CHRM3: variants seen among roughly 807,000 people sequenced by gnomAD.
CHRM3 encodes the protein muscarinic acetylcholine receptor M3.
In CHRM3, 11 loss-of-function variants were observed where a neutral mutation model predicts 41.8. The ratio of observed to expected loss-of-function variants is 0.26; its 90% CI spans 0.17 to 0.44. The LOEUF is 0.44. Ranked by LOEUF, CHRM3 falls within the 20% of genes least tolerant of loss-of-function variation. The pLI is 1.00. For synonymous variants in CHRM3, 297 were observed against 301.4 expected, an observed-to-expected ratio of 0.99 and a Z score of 0.15; for missense variants, 571 against 745.4, an observed-to-expected ratio of 0.77 and a Z score of 2.72.
intron 2 of CHRM3, among the ~76,000 whole-genome samples, chr1:239,524,535 A>G (rs755014872): frequency 6.6e-6 from 1 of 152,320 alleles, no homozygotes; most frequent in African/African-American, 2.4e-5. Flanking sequence ...AATGTAATTA[A>G]GAAAATTGGT....
chr1:239,465,665 C>T (rs957289329), intron 1 of CHRM3, among the ~76,000 whole-genome samples: 6 of 152,114 alleles, frequency 3.9e-5, no homozygotes, highest in South Asian at 2.1e-4. Flanking sequence ...TTCGTATCTT[C>T]GTGGTCACAT....
chr1:239,509,296 C>T (rs1668773253), intron 2 of CHRM3, among the ~76,000 whole-genome samples: 1 of 152,038 alleles, frequency 6.6e-6, no homozygotes, highest in Non-Finnish European at 1.5e-5. Context: ...TTTTTTTAAA[C>T]TAGTGAGTAA....
chr1:239,764,639 C>G (rs1667057011), intron 5 of CHRM3, among the ~76,000 whole-genome samples: 1 of 152,208 alleles, frequency 6.6e-6, no homozygotes, highest in Non-Finnish European at 1.5e-5. Flanking sequence ...CTACAGATGC[C>G]TGCTGCTGTT....
intron 5 of CHRM3, among the ~76,000 whole-genome samples, chr1:239,756,839 A>ACAT (rs1447868447): frequency 6.9e-6 from 1 of 144,338 alleles, no homozygotes; most frequent in African/African-American, 2.9e-5. Context: ...TAATATTTTC[A>ACAT]CATAATTTTG....
At chr1:239,784,810 T>A (rs1668767510) in intron 5 of CHRM3, among the ~76,000 whole-genome samples, 1 of 152,222 alleles carries the variant, frequency 6.6e-6, no homozygotes, top group Non-Finnish European at 1.5e-5. Flanking sequence ...GGAAATCACT[T>A]GAGCCTCTCT....
intron 3 of CHRM3, among the ~76,000 whole-genome samples, chr1:239,554,485 C>T (rs1660158912): frequency 6.6e-6 from 1 of 151,664 alleles, no homozygotes; most frequent in Non-Finnish European, 1.5e-5. Flanking sequence ...TGTGTGCACG[C>T]ACGCAGGCAT....
At chr1:239,785,136 G>A (rs574037715) in intron 5 of CHRM3, among the ~76,000 whole-genome samples, 4 of 152,214 alleles carry the variant, frequency 2.6e-5, no homozygotes, top group Admixed American at 6.5e-5. Context: ...CCTTCTGCAC[G>A]ATTTGAGGGT....
chr1:239,477,569 A>G (rs1023330798), intron 1 of CHRM3, among the ~76,000 whole-genome samples: 1 of 152,212 alleles, frequency 6.6e-6, no homozygotes, highest in Non-Finnish European at 1.5e-5. Context: ...CTTTTAATCA[A>G]CTTTAAATAT....
At chr1:239,865,661 C>T (rs1267646794) in intron 6 of CHRM3, among the ~76,000 whole-genome samples, 1 of 152,074 alleles carries the variant, frequency 6.6e-6, no homozygotes, top group Non-Finnish European at 1.5e-5. Context: ...CAAGTCTGAT[C>T]AGAAAGAGAG....
intron 6 of CHRM3, among the ~76,000 whole-genome samples, chr1:239,859,851 A>ATATATATATATATATATG (rs1675487095): frequency 7.1e-6 from 1 of 140,138 alleles, no homozygotes; most frequent in African/African-American, 2.6e-5. Flanking sequence ...ATATATATAT[A>ATATATATATATATATATG]GTCATTTAAT....
intron 5 of CHRM3, among the ~76,000 whole-genome samples, chr1:239,723,308 ATGCATTCT>A (rs1428971156): frequency 6.6e-6 from 1 of 151,954 alleles, no homozygotes; most frequent in Non-Finnish European, 1.5e-5. Flanking sequence ...AAAAAAATAA[ATGCATTCT>A]AAAGTATAAT....
intron 4 of CHRM3, among the ~76,000 whole-genome samples, chr1:239,640,416 G>A (rs1051996628): frequency 8.0e-4 from 122 of 152,184 alleles, no homozygotes; most frequent in Middle Eastern, 6.8e-3. Flanking sequence ...TGGTTGGTAA[G>A]CTATTGATTA....
At position 239,911,014 on chromosome 1, in the gene CHRM3, G is replaced by A. The variant is rs1680334740; in HGVS notation, c.*1790G>A. The A allele has an allele frequency of 6.0e-6, 1 of 167,042 alleles. No homozygotes were observed. Among genetic ancestry groups the A allele is most frequent in the Non-Finnish European group, 1.5e-5 (1 of 68,114 alleles). The allele number at this position is 167,042 out of a possible 1,614,324, so 10.3% of individuals were successfully genotyped here. Reference sequence around the variant, plus strand: ...TATGACTCTTCAGTCGTCAGCCATGGTGTCCTTTCAAAGTGATTCTTTAAG... The same window carrying A: ...TATGACTCTTCAGTCGTCAGCCATGATGTCCTTTCAAAGTGATTCTTTAAG... On this transcript the variant is annotated 3_prime_UTR_variant, in exon 7 of 7. Coordinates refer to ENST00000676153, the MANE Select transcript of CHRM3 (RefSeq NM_001375978.1).
At chr1:239,816,106 C>A (rs536885420) in intron 5 of CHRM3, among the ~76,000 whole-genome samples, 2 of 152,160 alleles carry the variant, frequency 1.3e-5, no homozygotes, top group South Asian at 4.2e-4. Flanking sequence ...TGTCACATAT[C>A]CAGAGGATTC....
At chr1:239,824,099 C>T (rs1339053888) in intron 5 of CHRM3, among the ~76,000 whole-genome samples, 5 of 152,154 alleles carry the variant, frequency 3.3e-5, no homozygotes, top group Non-Finnish European at 7.3e-5. Context: ...CCCTCTGTCT[C>T]GTTGGTGAGG....
chr1:239,617,599 T>C (rs1667774574), intron 3 of CHRM3, among the ~76,000 whole-genome samples: 1 of 152,114 alleles, frequency 6.6e-6, no homozygotes, highest in Non-Finnish European at 1.5e-5. Flanking sequence ...CCAGGCATAG[T>C]GGCGCATGTC....
chr1:239,563,497 ATGATATT>A (rs1661071495), intron 3 of CHRM3, among the ~76,000 whole-genome samples: 2 of 152,220 alleles, frequency 1.3e-5, no homozygotes, highest in Non-Finnish European at 2.9e-5. Flanking sequence ...CTCCAAATAT[ATGATATT>A]TTCATTGTTG....
In CHRM3 at chr1:239,482,313, C is replaced by G. The variant is rs539376703; in HGVS notation, c.-520-10396C>G. Among the ~76,000 whole-genome samples the G allele has an allele frequency of 2.6e-5, 4 of 152,176 alleles. No individual in the cohort carries two copies. The South Asian group carries it at 8.3e-4, about 32-fold the overall frequency. On this transcript the variant is annotated intron_variant, in intron 1 of 6. Transcript: ENST00000676153. ...GACTTTTTTTTGAAACTTCTGTCCA[C>G]GTGGACATGCGACTGTGATGGGAAA...
intron 5 of CHRM3, chr1:239,704,655 G>T (rs1660977287): frequency 6.6e-6 from 1 of 152,144 alleles, no homozygotes; most frequent in Non-Finnish European, 1.5e-5. Context: ...AGGAGGAAAG[G>T]TTAGCCCTTC....
Sources: allele counts gnomAD v4.1 joint callset (sites outside exome capture counted in the v4.1 genomes callset), GRCh38; gene constraint gnomAD v4.1.1; transcripts MANE v1.5; gene names NCBI Gene and HGNC (gene_info 2026-07-23, HGNC 2026-07-21).